Variants in OR2L13 observed in about 807,000 individuals in gnomAD.
OR2L13 encodes olfactory receptor 2L13.
A neutral mutation model predicts 15.3 loss-of-function variants in OR2L13; 14 were observed. The ratio of observed to expected loss-of-function variants is 0.91; its 90% CI spans 0.60 to 1.43. The LOEUF is 1.43. Ranked by LOEUF, OR2L13 falls within the 40% of genes most tolerant of loss-of-function variation. The pLI, the probability that OR2L13 is intolerant of heterozygous loss-of-function variation, is 0.00. For synonymous variants in OR2L13, 152 were observed against 142.9 expected (o/e 1.06, Z -0.45); for missense variants, 367 against 387.9 (o/e 0.95, Z 0.45).
the OR2L13 span, among the ~76,000 whole-genome samples, chr1:248,078,895 T>C: frequency 2.6e-5 from 4 of 152,190 alleles, no homozygotes; most frequent in Admixed American, 1.3e-4. Context: ...ATAATGTATG[T>C]TTTATATCTA....
the OR2L13 span, among the ~76,000 whole-genome samples, chr1:247,996,173 C>T: frequency 6.6e-6 from 1 of 152,162 alleles, no homozygotes; most frequent in Non-Finnish European, 1.5e-5. Context: ...GGTCTGCTAC[C>T]ACTCCATGGG....
chr1:248,026,108 AG>A, the OR2L13 span, among the ~76,000 whole-genome samples: 1 of 152,240 alleles, frequency 6.6e-6, no homozygotes, highest in African/African-American at 2.4e-5. Flanking sequence ...TAATAAAAAA[AG>A]AAAAATCATT....
the OR2L13 span, chr1:247,937,520 C>G: frequency 1.3e-5 from 2 of 156,964 alleles, no homozygotes; most frequent in Admixed American, 6.6e-5. Flanking sequence ...TCCATCAACC[C>G]CTCAGCTACG....
the OR2L13 span, among the ~76,000 whole-genome samples, chr1:248,043,363 G>A: frequency 1.3e-5 from 2 of 152,112 alleles, no homozygotes; most frequent in African/African-American, 4.8e-5. Context: ...ACTATATGTT[G>A]AGGCAACAGT....
chr1:248,003,752 T>C, the OR2L13 span: 1 of 1,613,904 alleles, frequency 6.2e-7, no homozygotes, highest in Non-Finnish European at 8.5e-7. Flanking sequence ...CTTTCTCGTG[T>C]TTCCCTTCAT....
chr1:248,089,289 G>A, the OR2L13 span, among the ~76,000 whole-genome samples: 1 of 152,138 alleles, frequency 6.6e-6, no homozygotes, highest in Non-Finnish European at 1.5e-5. Flanking sequence ...GAGCTCCTGT[G>A]CCACCCTCTG....
the OR2L13 span, among the ~76,000 whole-genome samples, chr1:248,016,934 T>C: frequency 6.6e-6 from 1 of 152,146 alleles, no homozygotes; most frequent in Non-Finnish European, 1.5e-5. Flanking sequence ...TAGGATTAAA[T>C]CTAATGGAAT....
chr1:248,060,138 G>T, the OR2L13 span, among the ~76,000 whole-genome samples: 6 of 151,704 alleles, frequency 4.0e-5, no homozygotes, highest in East Asian at 9.6e-4. Context: ...CATTTATACT[G>T]ACTTTCTATG....
At chr1:248,096,208 C>T (rs1664737134), upstream of OR2L13, among the ~76,000 whole-genome samples, 2 of 151,724 alleles carry the variant, frequency 1.3e-5, no homozygotes, top group Non-Finnish European at 2.9e-5. Flanking sequence ...GAAACCCGGT[C>T]TCTACTGAAA....
the OR2L13 span, among the ~76,000 whole-genome samples, chr1:248,037,697 A>G: frequency 2.0e-5 from 3 of 152,326 alleles, no homozygotes; most frequent in Non-Finnish European, 4.4e-5. Flanking sequence ...AGGATTTTTA[A>G]AAACAATTGG....
At chr1:248,088,803 A>G in the OR2L13 span, among the ~76,000 whole-genome samples, 1 of 152,258 alleles carries the variant, frequency 6.6e-6, no homozygotes. Flanking sequence ...TGTTTTGTCA[A>G]GTAGACATGT....
the OR2L13 span, among the ~76,000 whole-genome samples, chr1:247,974,229 C>T: frequency 2.6e-5 from 4 of 152,056 alleles, no homozygotes; most frequent in African/African-American, 7.2e-5. Context: ...AGTGAGAACA[C>T]GTGGACACAT....
the OR2L13 span, among the ~76,000 whole-genome samples, chr1:247,969,865 A>G: frequency 6.6e-6 from 1 of 152,170 alleles, no homozygotes; most frequent in Non-Finnish European, 1.5e-5. Flanking sequence ...AACCTTCTAC[A>G]TGATGGCTGC....
chr1:247,973,881 G>T, the OR2L13 span, among the ~76,000 whole-genome samples: 1 of 152,150 alleles, frequency 6.6e-6, no homozygotes, highest in Non-Finnish European at 1.5e-5. Context: ...GATTGCTCAA[G>T]GATTTAGAAC....
chr1:247,950,057 T>C, the OR2L13 span, among the ~76,000 whole-genome samples: 120,573 of 151,682 alleles, frequency 0.79, 52,302 homozygotes, highest in South Asian at 0.95. Flanking sequence ...TTTTTGGTCA[T>C]GCAGAAATGA....
the OR2L13 span, among the ~76,000 whole-genome samples, chr1:248,019,017 C>A: frequency 6.6e-6 from 1 of 152,024 alleles, no homozygotes; most frequent in Admixed American, 6.6e-5. Context: ...TGTATGTACT[C>A]ACTACATTTT....
At chr1:247,965,650 A>G in the OR2L13 span, 1 of 1,547,584 alleles carries the variant, frequency 6.5e-7, no homozygotes, top group Non-Finnish European at 8.7e-7. Context: ...GAGTAAGACC[A>G]TTAGATTTTT....
the OR2L13 span, among the ~76,000 whole-genome samples, chr1:248,089,684 C>T: frequency 9.2e-5 from 14 of 152,208 alleles, no homozygotes; most frequent in African/African-American, 3.4e-4. Context: ...ACATTTGTCC[C>T]TGAGTTGTTT....
the OR2L13 span, among the ~76,000 whole-genome samples, chr1:247,981,743 T>G: frequency 5.3e-5 from 8 of 152,196 alleles, no homozygotes; most frequent in East Asian, 1.5e-3. Flanking sequence ...ATGCTTAAAC[T>G]TGCAGCTTCT....
Sources: allele counts gnomAD v4.1 joint callset (sites outside exome capture counted in the v4.1 genomes callset), GRCh38; gene constraint gnomAD v4.1.1; transcripts MANE v1.5; gene names NCBI Gene and HGNC (gene_info 2026-07-23, HGNC 2026-07-21).